Variants in GRIN2B observed in about 807,000 individuals in gnomAD.
GRIN2B encodes glutamate ionotropic receptor NMDA type subunit 2B.
GRIN2B carries 5 observed loss-of-function variants against 114.5 expected under a neutral mutation model. The observed-to-expected ratio is 0.04, with a 90% CI of 0.02 to 0.09. The LOEUF is 0.09. Ranked by LOEUF, GRIN2B falls within the 10% of genes least tolerant of loss-of-function variation. The pLI, the probability that GRIN2B is intolerant of heterozygous loss-of-function variation, is 1.00. For missense variants in GRIN2B, 1,108 were observed against 1,943.5 expected (o/e 0.57, Z 8.08); for synonymous variants, 787 against 745.1 (o/e 1.06, Z -0.92).
At chr12:13,614,518 G>A (rs945723292) in intron 8 of GRIN2B, among the ~76,000 whole-genome samples, 9 of 151,872 alleles carry the variant, frequency 5.9e-5, no homozygotes, top group Admixed American at 3.3e-4. Flanking sequence ...CTTATATCAC[G>A]TCTGAGATTT....
chr12:13,775,231 C>G (rs954744358), intron 3 of GRIN2B, among the ~76,000 whole-genome samples: 1 of 152,080 alleles, frequency 6.6e-6, no homozygotes, highest in Admixed American at 6.6e-5. Flanking sequence ...AGCAGAGGAG[C>G]AAAAGATAAA....
intron 3 of GRIN2B, among the ~76,000 whole-genome samples, chr12:13,799,584 GACAAGATTA>G (rs1392111950): frequency 6.6e-6 from 1 of 152,076 alleles, no homozygotes; most frequent in Admixed American, 6.6e-5. Context: ...TGCCGCCACA[GACAAGATTA>G]ACAAGAAGGT....
intron 5 of GRIN2B, among the ~76,000 whole-genome samples, chr12:13,620,945 AC>A (rs1157446563): frequency 5.5e-5 from 4 of 72,606 alleles, no homozygotes; most frequent in African/African-American, 1.4e-4. Context: ...GAAAGGTGAA[AC>A]TTTTTTGAAA....
At chr12:13,663,020 T>A (rs563125108) in intron 5 of GRIN2B, among the ~76,000 whole-genome samples, 1 of 152,328 alleles carries the variant, frequency 6.6e-6, no homozygotes, top group South Asian at 2.1e-4. Flanking sequence ...TTACTGGGCC[T>A]CATCCCTAGA....
intron 4 of GRIN2B, among the ~76,000 whole-genome samples, chr12:13,713,214 C>CT (rs1180072871): frequency 2.0e-5 from 3 of 151,884 alleles, no homozygotes; most frequent in Non-Finnish European, 4.4e-5. Flanking sequence ...AACAACATGA[C>CT]TTTTTTCCCC....
chr12:13,630,021 T>A (rs1284440832), intron 5 of GRIN2B, among the ~76,000 whole-genome samples: 1 of 152,228 alleles, frequency 6.6e-6, no homozygotes, highest in African/African-American at 2.4e-5. Context: ...TAACTGCTTA[T>A]GTGTCTGGTC....
chr12:13,961,243 C>T (rs1591642620), intron 2 of GRIN2B, among the ~76,000 whole-genome samples: 3 of 152,010 alleles, frequency 2.0e-5, no homozygotes, highest in Admixed American at 6.6e-5. Context: ...AATTCTAAGC[C>T]CAGGAGAAGG....
intron 5 of GRIN2B, among the ~76,000 whole-genome samples, chr12:13,670,639 A>C (rs1338477974): frequency 6.6e-6 from 1 of 152,116 alleles, no homozygotes; most frequent in Non-Finnish European, 1.5e-5. Context: ...TTTTAAAGCA[A>C]GTTTATGCAG....
chr12:13,837,108 C>G (rs1417613760), intron 3 of GRIN2B, among the ~76,000 whole-genome samples: 1 of 152,188 alleles, frequency 6.6e-6, no homozygotes, highest in African/African-American at 2.4e-5. Flanking sequence ...ACTTTCCATT[C>G]CATAAACATC....
At chr12:13,688,946 T>C (rs529398434) in intron 4 of GRIN2B, among the ~76,000 whole-genome samples, 9 of 152,338 alleles carry the variant, frequency 5.9e-5, no homozygotes, top group Non-Finnish European at 1.3e-4. Flanking sequence ...CTCCTTCCTT[T>C]GAAATTGCTT....
intron 4 of GRIN2B, among the ~76,000 whole-genome samples, chr12:13,713,590 C>T (rs187733004): frequency 5.6e-4 from 85 of 151,888 alleles, no homozygotes; most frequent in Non-Finnish European, 1.0e-3. Context: ...CTTAATAGAA[C>T]AAGAAGTCAC....
At chr12:13,575,913 T>C (rs756144160) in intron 10 of GRIN2B, among the ~76,000 whole-genome samples, 1 of 152,214 alleles carries the variant, frequency 6.6e-6, no homozygotes. Context: ...TGGCACATGA[T>C]GGAGTCTTAA....
rs150060270 is a variant in GRIN2B at position 13,980,075 on chromosome 12, T to C, written c.-166A>G. The C allele has an allele frequency of 1.1e-4, 16 of 152,086 alleles. No homozygotes were observed. Among genetic ancestry groups the C allele is most frequent in the African/African-American group, 3.9e-4 (16 of 41,460 alleles). 9.4% of individuals were successfully genotyped at this position (152,086 alleles called of 1,614,324 possible). A position where few individuals can be genotyped will look rare whatever the true frequency, so the allele number is the denominator to read the frequency against. ...AGATAATTTAAAATCCAATTTAGCG[T>C]AAATTTTGTTTTAATCTTGTGTCTT... On this transcript the variant is annotated 5_prime_UTR_variant, in exon 2 of 14. Coordinates refer to ENST00000609686, the MANE Select transcript of GRIN2B (RefSeq NM_000834.5).
intron 3 of GRIN2B, among the ~76,000 whole-genome samples, chr12:13,800,628 A>T (rs1288032764): frequency 6.6e-6 from 1 of 152,174 alleles, no homozygotes; most frequent in Non-Finnish European, 1.5e-5. Context: ...CACAGAAATT[A>T]TGAGACAAAT....
At chr12:13,825,768 C>T (rs1280886692) in intron 3 of GRIN2B, among the ~76,000 whole-genome samples, 8 of 151,914 alleles carry the variant, frequency 5.3e-5, no homozygotes, top group Non-Finnish European at 7.4e-5. Context: ...CTGCCCACCT[C>T]GGCCTCCCAA....
chr12:13,669,194 C>A (rs1950002465), intron 5 of GRIN2B, among the ~76,000 whole-genome samples: 1 of 151,934 alleles, frequency 6.6e-6, no homozygotes, highest in African/African-American at 2.4e-5. Context: ...AGAAATTCTC[C>A]CTTTAGCTAA....
intron 3 of GRIN2B, among the ~76,000 whole-genome samples, chr12:13,834,239 G>A (rs1318535562): frequency 1.4e-5 from 2 of 138,000 alleles, no homozygotes; most frequent in Non-Finnish European, 3.1e-5. Flanking sequence ...GGGTTTCACC[G>A]TGTTAGCCAC....
chr12:13,780,052 A>C (rs1410451178), intron 3 of GRIN2B, among the ~76,000 whole-genome samples: 1 of 152,242 alleles, frequency 6.6e-6, no homozygotes, highest in African/African-American at 2.4e-5. Flanking sequence ...TCACCATATC[A>C]GGAAAATTCT....
chr12:13,917,603 C>A (rs1308929942), intron 2 of GRIN2B, among the ~76,000 whole-genome samples: 1 of 152,148 alleles, frequency 6.6e-6, no homozygotes, highest in Non-Finnish European at 1.5e-5. Flanking sequence ...TCCTGGCATG[C>A]CATTGGATTC....
Sources: allele counts gnomAD v4.1 joint callset (sites outside exome capture counted in the v4.1 genomes callset), GRCh38; gene constraint gnomAD v4.1.1; transcripts MANE v1.5; gene names NCBI Gene and HGNC (gene_info 2026-07-23, HGNC 2026-07-21).